Variants in PAX7 observed in about 807,000 individuals in gnomAD.
PAX7 encodes paired box protein Pax-7.
A neutral mutation model predicts 50.7 loss-of-function variants in PAX7; 18 were observed. The ratio of observed to expected loss-of-function variants is 0.36; its 90% CI spans 0.25 to 0.53. The LOEUF (loss-of-function observed/expected upper bound fraction) is 0.53, where lower values mean the gene tolerates loss of function less well. Among genes scored for constraint, PAX7 ranks in the 20% least tolerant of loss-of-function variants. The probability of loss-of-function intolerance (pLI) is 0.93; values close to 1 mark genes in which losing one functional copy is unlikely to be tolerated. For synonymous variants in PAX7, 310 were observed against 290.4 expected, an observed-to-expected ratio of 1.07 and a Z score of -0.69; for missense variants, 644 against 702.9, an observed-to-expected ratio of 0.92 and a Z score of 0.95.
At position 18,745,699 on chromosome 1, in the gene PAX7, C is replaced by T. The variant is rs1442667082; in HGVS notation, c.*770C>T. Reference sequence around the variant, plus strand: ...CCAGGATACAAGGACCCAACTCAGGCTTCTGGAAGCAGAGGGCTCTTATCC... The same window carrying T: ...CCAGGATACAAGGACCCAACTCAGGTTTCTGGAAGCAGAGGGCTCTTATCC... On this transcript the variant is annotated 3_prime_UTR_variant, in exon 9 of 9. Coordinates refer to ENST00000420770, the MANE Select transcript of PAX7 (RefSeq NM_001135254.2). The T allele has an allele frequency of 4.3e-6, 1 of 231,326 alleles. No homozygotes were observed. Among genetic ancestry groups the T allele is most frequent in the Non-Finnish European group, 8.6e-6 (1 of 116,850 alleles). The allele number at this position is 231,326 out of a possible 1,614,324, so 14.3% of individuals were successfully genotyped here.
intron 7 of PAX7, among the ~76,000 whole-genome samples, chr1:18,711,362 G>A (rs575147549): frequency 8.5e-5 from 13 of 152,132 alleles, no homozygotes; most frequent in African/African-American, 2.2e-4. Context: ...ATGTGCCCTC[G>A]TCACACCCCC....
chr1:18,697,780 C>G (rs1264326136), intron 5 of PAX7, among the ~76,000 whole-genome samples: 5 of 152,214 alleles, frequency 3.3e-5, no homozygotes, highest in Admixed American at 3.3e-4. Flanking sequence ...GAAGCCCCTC[C>G]TCTGAGCTCC....
At chr1:18,665,478 C>T (rs2088655052) in intron 4 of PAX7, among the ~76,000 whole-genome samples, 1 of 152,046 alleles carries the variant, frequency 6.6e-6, no homozygotes, top group African/African-American at 2.4e-5. Context: ...CTAGTTCAAG[C>T]AATTCTCCTG....
At chr1:18,707,034 C>G (rs961461754) in intron 7 of PAX7, among the ~76,000 whole-genome samples, 2 of 152,232 alleles carry the variant, frequency 1.3e-5, no homozygotes, top group African/African-American at 4.8e-5. Flanking sequence ...ATTTACTCAT[C>G]TCATCTCTGC....
At chr1:18,741,893 C>T (rs1404108832) in intron 8 of PAX7, among the ~76,000 whole-genome samples, 1 of 152,208 alleles carries the variant, frequency 6.6e-6, no homozygotes, top group Admixed American at 6.5e-5. Flanking sequence ...GATCCAGGCT[C>T]AGACTGCCTG....
intron 7 of PAX7, among the ~76,000 whole-genome samples, chr1:18,722,974 T>G (rs1322390464): frequency 6.6e-6 from 1 of 152,214 alleles, no homozygotes; most frequent in East Asian, 1.9e-4. Flanking sequence ...AAGGGCCTTT[T>G]GCTAAGAACT....
In PAX7 at chr1:18,693,344, G is replaced by T. The variant is rs372973010; in HGVS notation, c.786+1391G>T. On this transcript the variant is annotated intron_variant, in intron 5 of 8. Transcript: ENST00000420770. ...TAGTGGAAGCTCAGACCACCTTGTCGGGTCAGCGTGGTCACCCCCTGCAAG... is the reference window on the plus strand; with the variant it reads ...TAGTGGAAGCTCAGACCACCTTGTCTGGTCAGCGTGGTCACCCCCTGCAAG... Among the ~76,000 whole-genome samples the T allele has an allele frequency of 3.9e-5, 6 of 152,250 alleles. No homozygotes were observed. The East Asian group carries it at 7.8e-4, about 20-fold the overall frequency.
chr1:18,631,575 C>T lies in PAX7; in HGVS notation c.-29C>T. ...GCGGACGGGAAGCGATTTTTGCCGA[C>T]TTTGGATTCGTCCCCGGCGTGCGCA... is the stretch of plus-strand genomic sequence containing the variant. On this transcript the variant is annotated 5_prime_UTR_variant, in exon 1 of 9. Transcript: ENST00000420770. 6.2e-7 allele frequency: 1 copy of T among 1,600,542 alleles called. No individual in the cohort carries two copies. Among genetic ancestry groups the T allele is most frequent in the South Asian group, 1.1e-5 (1 of 89,008 alleles).
intron 1 of PAX7, 115 bp downstream of exon 1, chr1:18,631,803 G>C: frequency 1.2e-6 from 1 of 842,086 alleles, no homozygotes; most frequent in Non-Finnish European, 1.9e-6. Flanking sequence ...GAGGGATCCC[G>C]TTCTCTTCTG....
chr1:18,657,977 TC>T (rs2088546914), intron 4 of PAX7, among the ~76,000 whole-genome samples: 1 of 151,962 alleles, frequency 6.6e-6, no homozygotes, highest in South Asian at 2.1e-4. Context: ...GGCCCTTTTG[TC>T]CCCCCAGGGC....
intron 7 of PAX7, among the ~76,000 whole-genome samples, chr1:18,728,813 C>T (rs1356409195): frequency 2.4e-4 from 36 of 150,824 alleles, no homozygotes; most frequent in African/African-American, 7.6e-4. Context: ...TGCGGTGAGC[C>T]GAGATCACAC....
chr1:18,707,403 CTTTTTTTCTTTCTTTTTTT>C (rs1451395144), intron 7 of PAX7, among the ~76,000 whole-genome samples: 1 of 102,936 alleles, frequency 9.7e-6, no homozygotes, highest in African/African-American at 3.5e-5. Context: ...CTTTCCTTTT[CTTTTTTTCTTTCTTTTTTT>C]TTTTTTTTTT....
intron 7 of PAX7, among the ~76,000 whole-genome samples, chr1:18,708,502 C>T (rs2089311432): frequency 6.6e-6 from 1 of 152,102 alleles, no homozygotes; most frequent in Non-Finnish European, 1.5e-5. Flanking sequence ...CTGCAGTGAG[C>T]TGTGATTGTG....
At chr1:18,685,357 A>G (rs1268677380) in intron 4 of PAX7, among the ~76,000 whole-genome samples, 1 of 152,228 alleles carries the variant, frequency 6.6e-6, no homozygotes, top group Non-Finnish European at 1.5e-5. Context: ...GTCAAGCTCT[A>G]TTCATTCAAG....
intron 4 of PAX7, among the ~76,000 whole-genome samples, chr1:18,649,666 G>A (rs1322852622): frequency 6.6e-6 from 1 of 152,132 alleles, no homozygotes; most frequent in Non-Finnish European, 1.5e-5. Flanking sequence ...CTCAAGCCCT[G>A]CTAGATGCCA....
intron 4 of PAX7, among the ~76,000 whole-genome samples, chr1:18,658,042 A>G (rs2088548017): frequency 6.6e-6 from 1 of 152,226 alleles, no homozygotes. Flanking sequence ...ATCAAGCCAG[A>G]CAACAGCTTG....
chr1:18,685,899 C>T (rs1014842406), intron 4 of PAX7, among the ~76,000 whole-genome samples: 6 of 147,952 alleles, frequency 4.1e-5, no homozygotes, highest in African/African-American at 1.5e-4. Flanking sequence ...AACCTTCCAT[C>T]CATCACCATC....
At chr1:18,742,194 G>A (rs1048851478) in intron 8 of PAX7, among the ~76,000 whole-genome samples, 2 of 110,522 alleles carry the variant, frequency 1.8e-5, no homozygotes, top group African/African-American at 7.2e-5. Flanking sequence ...GTCTTGCTCT[G>A]TTGCCCAGGC....
At chr1:18,743,581 G>T (rs1931265039) in intron 8 of PAX7, among the ~76,000 whole-genome samples, 1 of 152,216 alleles carries the variant, frequency 6.6e-6, no homozygotes, top group African/African-American at 2.4e-5. Context: ...AAATCCCAGG[G>T]GTTTGGACTG....
Sources: gnomAD v4.1 joint callset for allele counts (sites outside exome capture counted in the v4.1 genomes callset) on GRCh38, gnomAD v4.1.1 for gene constraint, MANE v1.5 for transcripts, NCBI Gene and HGNC (gene_info 2026-07-23, HGNC 2026-07-21) for gene names.